Variants in BUB1 observed in about 807,000 individuals in gnomAD.
BUB1 encodes mitotic checkpoint serine/threonine-protein kinase BUB1.
A neutral mutation model predicts 135.2 loss-of-function variants in BUB1; 84 were observed. The observed-to-expected ratio is 0.62, with a 90% CI of 0.52 to 0.74. BUB1 has a LOEUF of 0.74. BUB1 is among the 30% of genes least tolerant of loss of function. BUB1 has a pLI of 0.00. For synonymous variants in BUB1, 403 were observed against 434.4 expected, an observed-to-expected ratio of 0.93 and a Z score of 0.90; for missense variants, 1,162 against 1,288.3, an observed-to-expected ratio of 0.90 and a Z score of 1.50.
chr2:110,651,058 G>A lies in BUB1; in HGVS notation c.1965-274C>T, dbSNP rs1390177129. Among the ~76,000 whole-genome samples, 12 of 152,170 alleles carry A rather than the reference G, an allele frequency of 7.9e-5. No homozygotes were observed. In the South Asian group the frequency reaches 2.3e-3, roughly 29 times the overall value. The stretch of plus-strand genomic sequence containing the variant: ...TCTTTAGTAGGAAATGTCAGGAGTG[G>A]GTTTATTTCTCCAAGCTGCATCTAT... On this transcript the variant is annotated intron_variant, in intron 17 of 24. Transcript: ENST00000302759.
intron 8 of BUB1, among the ~76,000 whole-genome samples, chr2:110,666,760 TTTTA>T (rs1345901339): frequency 2.0e-5 from 3 of 152,102 alleles, no homozygotes; most frequent in Admixed American, 6.5e-5. Context: ...TAAAATAAAT[TTTTA>T]TTTGTTTTTA....
intron 19 of BUB1, 108 bp downstream of exon 19, chr2:110,649,126 G>T (rs2104524921): frequency 2.8e-6 from 3 of 1,075,482 alleles, no homozygotes; most frequent in Non-Finnish European, 4.0e-6. Flanking sequence ...CCTATTGGAG[G>T]TTGGGGGGCA....
At chr2:110,651,325 G>T (rs1432580878) in intron 17 of BUB1, among the ~76,000 whole-genome samples, 1 of 152,032 alleles carries the variant, frequency 6.6e-6, no homozygotes, top group Non-Finnish European at 1.5e-5. Flanking sequence ...CTGACCCTGG[G>T]TGTGTAGGCC....
intron 8 of BUB1, 80 bp from the exon 9 acceptor site, chr2:110,666,494 G>T (rs1240570110): frequency 3.4e-6 from 4 of 1,160,964 alleles, no homozygotes; most frequent in Non-Finnish European, 3.3e-6. Context: ...TGAGGAAAGG[G>T]TTATATTTTA....
intron 15 of BUB1, 74 bp from the exon 16 acceptor site, chr2:110,655,990 T>G (rs1689925139): frequency 7.3e-7 from 1 of 1,370,404 alleles, no homozygotes; most frequent in Admixed American, 2.0e-5. Context: ...TCAATAACAC[T>G]TTAAGATCCA....
chr2:110,670,371 C>T (rs1001387956), intron 5 of BUB1, among the ~76,000 whole-genome samples, 154 bp downstream of exon 5: 1 of 152,082 alleles, frequency 6.6e-6, no homozygotes, highest in Non-Finnish European at 1.5e-5. Flanking sequence ...CTCCTGACCC[C>T]AGGTGATGCA....
chr2:110,644,051 T>A (rs1689574055), intron 19 of BUB1, among the ~76,000 whole-genome samples: 11 of 22,544 alleles, frequency 4.9e-4, no homozygotes, highest in African/African-American at 1.2e-3. Context: ...CTTCCAAAAC[T>A]GAAATGCAAA....
intron 9 of BUB1, among the ~76,000 whole-genome samples, chr2:110,665,695 T>C (rs2104549596): frequency 6.6e-6 from 1 of 152,202 alleles, no homozygotes; most frequent in Admixed American, 6.5e-5. Flanking sequence ...AAAAACCATC[T>C]AGTCACATAT....
At chr2:110,651,879 C>T (rs557301355) in intron 17 of BUB1, among the ~76,000 whole-genome samples, 25 of 152,284 alleles carry the variant, frequency 1.6e-4, no homozygotes, top group African/African-American at 5.1e-4. Context: ...CTATGAGCCA[C>T]AGGTTATACC....
At chr2:110,669,618 A>G (rs576734562) in intron 5 of BUB1, 65 bp from the exon 6 acceptor site, 1 of 1,027,158 alleles carries the variant, frequency 9.7e-7, no homozygotes, top group East Asian at 2.4e-5. Flanking sequence ...AAATTATCAC[A>G]TAATAAATTC....
chr2:110,671,174 A>G (rs1230094619), intron 4 of BUB1, among the ~76,000 whole-genome samples: 1 of 152,208 alleles, frequency 6.6e-6, no homozygotes, highest in East Asian at 1.9e-4. Context: ...AAACAAACCA[A>G]TGGTTAAGAA....
In BUB1 at chr2:110,657,025, G is replaced by C. The variant is rs748371924; in HGVS notation, c.1698+11C>G. 6.2e-7 allele frequency: 1 copy of C among 1,607,748 alleles called. No individual in the cohort carries two copies. The highest frequency in any genetic ancestry group is 1.7e-5 in the Admixed American group (1 of 59,576). On this transcript the variant is annotated intron_variant, in intron 15 of 24. Coordinates refer to ENST00000302759, the MANE Select transcript of BUB1 (RefSeq NM_004336.5). ...TAGGACCCATTTCATAGATAAAACA[G>C]GTTTGTTTACCTTTGGTTTTGAAGG...
Position 110,658,614 on chromosome 2 carries a change from C to T in BUB1, c.1405G>A (p.Gly469Ser), listed in dbSNP as rs773480903. The T allele has an allele frequency of 2.5e-6, 4 of 1,614,164 alleles. No individual in the cohort carries two copies. The highest frequency in any genetic ancestry group is 2.5e-6 in the Non-Finnish European group (3 of 1,180,014). Residue 469 changes from glycine (G) to serine (S), a missense_variant and splice_region_variant, in exon 12 of 25, where the codon GGT becomes AGT. Transcript: ENST00000302759. Reference protein sequence around the residue: ...SPTVHTKEALGFIMNMFQAPT... With the variant: ...SPTVHTKEALSFIMNMFQAPT... The stretch of plus-strand genomic sequence containing the variant: ...TACACACTCAGATAAAATACTTTAC[C>T]TAATGCTTCTTTTGTGTGCACGGTG...
At chr2:110,655,602 T>G (rs534408077) in intron 16 of BUB1, 137 bp downstream of exon 16, 1 of 851,088 alleles carries the variant, frequency 1.2e-6, no homozygotes, top group South Asian at 3.0e-5. Flanking sequence ...TGAACAGATT[T>G]TAAGTTTCTT....
chr2:110,670,890 C>G (rs1199178603), intron 4 of BUB1, among the ~76,000 whole-genome samples: 1 of 152,118 alleles, frequency 6.6e-6, no homozygotes, highest in Non-Finnish European at 1.5e-5. Context: ...TGTTTGACCT[C>G]CTACTTTAGG....
At chr2:110,672,611 A>AT in intron 4 of BUB1, 50 bp downstream of exon 4, 1 of 1,502,092 alleles carries the variant, frequency 6.7e-7, no homozygotes, top group South Asian at 1.3e-5. Context: ...AACAGCAAAC[A>AT]TTACTTTTCA....
intron 19 of BUB1, among the ~76,000 whole-genome samples, chr2:110,646,607 C>T (rs1689653902): frequency 6.6e-6 from 1 of 152,138 alleles, no homozygotes; most frequent in Non-Finnish European, 1.5e-5. Flanking sequence ...AGAAATCATA[C>T]ACAGTATGAA....
chr2:110,640,969 AT>A, intron 23 of BUB1, 64 bp downstream of exon 23: 1 of 1,478,322 alleles, frequency 6.8e-7, no homozygotes, highest in Non-Finnish European at 9.0e-7. Context: ...CCCCAAATTC[AT>A]TTTGAAAATC....
rs750264152 is a variant in BUB1, at chr2:110,655,962, T to C, written c.1699-46A>G. The C allele has an allele frequency of 2.6e-5, 40 of 1,567,118 alleles. 1 individual carries two copies. In the South Asian group the frequency reaches 4.1e-4, roughly 16 times the overall value. On this transcript the variant is annotated intron_variant, in intron 15 of 24. Transcript: ENST00000302759. ...AAAAAAAAGCAGCAATCTCCCTCTTTAGTCCATGAAACCTTATTCAATAAC... is the reference window on the plus strand; with the variant it reads ...AAAAAAAAGCAGCAATCTCCCTCTTCAGTCCATGAAACCTTATTCAATAAC...
Sources: allele counts gnomAD v4.1 joint callset (sites outside exome capture counted in the v4.1 genomes callset), GRCh38; gene constraint gnomAD v4.1.1; transcripts MANE v1.5; gene names NCBI Gene and HGNC (gene_info 2026-07-23, HGNC 2026-07-21).